The following HCN1 variants were observed in gnomAD, a reference collection of about 807,000 sequenced individuals.
HCN1 encodes the protein hyperpolarization activated cyclic nucleotide gated potassium channel 1.
HCN1 carries 13 observed loss-of-function variants against 78.9 expected under a neutral mutation model. The ratio of observed to expected loss-of-function variants is 0.16; its 90% confidence interval spans 0.11 to 0.26. The LOEUF (loss-of-function observed/expected upper bound fraction) is 0.26, where lower values mean the gene tolerates loss of function less well. HCN1 is among the 10% of genes least tolerant of loss of function. The pLI is 1.00. For synonymous variants in HCN1, 552 were observed against 455.5 expected, an observed-to-expected ratio of 1.21 and a Z score of -2.70; for missense variants, 810 against 1,154.3, an observed-to-expected ratio of 0.70 and a Z score of 4.32.
At chr5:45,535,260 G>A (rs769341557) in intron 2 of HCN1, among the ~76,000 whole-genome samples, 48 of 152,194 alleles carry the variant, frequency 3.2e-4, no homozygotes, top group African/African-American at 7.5e-4. Flanking sequence ...GGAAGAGAAC[G>A]TCTTAATATA....
chr5:45,363,664 G>A (rs1212936747), intron 4 of HCN1, among the ~76,000 whole-genome samples: 4 of 151,938 alleles, frequency 2.6e-5, no homozygotes, highest in Non-Finnish European at 5.9e-5. Flanking sequence ...AGGGACCCAG[G>A]GGGTGGTAAT....
intron 2 of HCN1, among the ~76,000 whole-genome samples, chr5:45,527,191 C>G (rs1316039879): frequency 7.3e-6 from 1 of 137,358 alleles, no homozygotes; most frequent in Non-Finnish European, 1.6e-5. Context: ...ATCTATCTCT[C>G]TGAATAGAAT....
intron 6 of HCN1, among the ~76,000 whole-genome samples, chr5:45,297,326 C>A (rs1020850320): frequency 6.6e-6 from 1 of 152,070 alleles, no homozygotes; most frequent in Non-Finnish European, 1.5e-5. Context: ...TCCTTGTCCT[C>A]ATTCCCATAA....
Position 45,655,307 on chromosome 5 carries a change from T to C in HCN1, c.426-9699A>G, listed in dbSNP as rs1043678884. On this transcript the variant is annotated intron_variant, in intron 1 of 7. Coordinates refer to ENST00000303230, the MANE Select transcript of HCN1 (RefSeq NM_021072.4). ...ACTTTAAAGACATGGTCTTGTTTGA[T>C]ACTCAAACAACCAAAGAGGTACACA... 1.4e-4 allele frequency among the ~76,000 whole-genome samples: 21 copies of C among 152,086 alleles called. 1 individual carries two copies. Among genetic ancestry groups the C allele is most frequent in the Admixed American group, 1.2e-3 (18 of 15,246 alleles).
chr5:45,464,005 C>G (rs1042970121), intron 2 of HCN1, among the ~76,000 whole-genome samples: 46 of 152,040 alleles, frequency 3.0e-4, no homozygotes, highest in Admixed American at 1.2e-3. Flanking sequence ...GGCCATCATT[C>G]AATTATCAGG....
intron 2 of HCN1, among the ~76,000 whole-genome samples, chr5:45,580,215 G>T (rs1029379458): frequency 9.9e-5 from 15 of 152,046 alleles, no homozygotes; most frequent in African/African-American, 3.6e-4. Flanking sequence ...CCTTAAAATA[G>T]GGAGATTACC....
chr5:45,418,194 T>C lies in HCN1; in HGVS notation c.1012-21484A>G, dbSNP rs180885182. The stretch of plus-strand genomic sequence containing the variant: ...TATCTTTTAATCTTGTCTTGGCATA[T>C]TTAGAATGATAAAAGAAAAAGTGTT... On this transcript the variant is annotated intron_variant, in intron 3 of 7. Coordinates refer to ENST00000303230, the MANE Select transcript of HCN1 (RefSeq NM_021072.4). Among the ~76,000 whole-genome samples the C allele has an allele frequency of 3.2e-4, 49 of 151,994 alleles. No individual in the cohort carries two copies. In the East Asian group the frequency reaches 7.8e-3, roughly 24 times the overall value.
At chr5:45,325,025 A>G (rs990591222) in intron 5 of HCN1, among the ~76,000 whole-genome samples, 2 of 151,810 alleles carry the variant, frequency 1.3e-5, no homozygotes, top group South Asian at 4.1e-4. Flanking sequence ...CCAGGTGGGA[A>G]GAAGTTTGTA....
chr5:45,694,531 C>T (rs1208517462), intron 1 of HCN1, among the ~76,000 whole-genome samples: 2 of 152,186 alleles, frequency 1.3e-5, no homozygotes, highest in Non-Finnish European at 2.9e-5. Context: ...TCCAAGGCTG[C>T]TTTACATTGC....
chr5:45,428,134 A>G (rs1247806391), intron 3 of HCN1, among the ~76,000 whole-genome samples: 1 of 152,056 alleles, frequency 6.6e-6, no homozygotes, highest in African/African-American at 2.4e-5. Flanking sequence ...GAAACATTAA[A>G]AGAATTAAAT....
chr5:45,445,980 T>C (rs1334616843), intron 3 of HCN1, among the ~76,000 whole-genome samples: 1 of 152,056 alleles, frequency 6.6e-6, no homozygotes, highest in Non-Finnish European at 1.5e-5. Flanking sequence ...AAGCAGAGCA[T>C]CTCTCCTCCT....
At chr5:45,308,774 C>A (rs888892675) in intron 5 of HCN1, among the ~76,000 whole-genome samples, 2 of 151,990 alleles carry the variant, frequency 1.3e-5, no homozygotes, top group Non-Finnish European at 2.9e-5. Flanking sequence ...TGTAGCCCTG[C>A]AGTAGAGTTT....
chr5:45,366,282 C>A (rs925733001), intron 4 of HCN1, among the ~76,000 whole-genome samples: 13 of 151,314 alleles, frequency 8.6e-5, no homozygotes, highest in Admixed American at 7.3e-4. Flanking sequence ...AACTTCCATT[C>A]CATTGGGAAG....
intron 2 of HCN1, among the ~76,000 whole-genome samples, chr5:45,477,649 A>G (rs1195485064): frequency 6.6e-6 from 1 of 152,152 alleles, no homozygotes; most frequent in African/African-American, 2.4e-5. Flanking sequence ...AACAACAATA[A>G]CATTTTAGTC....
intron 2 of HCN1, among the ~76,000 whole-genome samples, chr5:45,499,072 G>C (rs1285256586): frequency 6.6e-6 from 1 of 152,208 alleles, no homozygotes; most frequent in African/African-American, 2.4e-5. Context: ...GGAGCCTACA[G>C]AGGCAGGCAG....
At chr5:45,339,728 C>A (rs776198138) in intron 5 of HCN1, among the ~76,000 whole-genome samples, 13 of 151,974 alleles carry the variant, frequency 8.6e-5, no homozygotes, top group South Asian at 2.1e-4. Context: ...TGTTGAGAAC[C>A]TGAATATGGC....
intron 2 of HCN1, among the ~76,000 whole-genome samples, chr5:45,498,241 G>T (rs562008797): frequency 1.8e-4 from 28 of 151,380 alleles, no homozygotes; most frequent in South Asian, 1.0e-3. Context: ...TGTAGATTTG[G>T]TCTTTTCACA....
chr5:45,486,546 C>T (rs769537719), intron 2 of HCN1, among the ~76,000 whole-genome samples: 17 of 152,186 alleles, frequency 1.1e-4, no homozygotes, highest in African/African-American at 4.1e-4. Context: ...GTTGCACTGG[C>T]TACATCTTCA....
At chr5:45,510,773 T>C (rs1579940342) in intron 2 of HCN1, among the ~76,000 whole-genome samples, 1 of 152,038 alleles carries the variant, frequency 6.6e-6, no homozygotes, top group Non-Finnish European at 1.5e-5. Context: ...AGAAGAAGGG[T>C]ATGTCTCCTC....
Sources: allele counts gnomAD v4.1 joint callset (sites outside exome capture counted in the v4.1 genomes callset), GRCh38; gene constraint gnomAD v4.1.1; transcripts MANE v1.5; gene names NCBI Gene and HGNC (gene_info 2026-07-23, HGNC 2026-07-21).